SIPA1L3: variants seen among roughly 807,000 people sequenced by gnomAD.
SIPA1L3 encodes signal-induced proliferation-associated 1-like protein 3.
Under a neutral mutation model 150.1 loss-of-function variants are expected in SIPA1L3, and 59 were observed. The ratio of observed to expected loss-of-function variants is 0.39; its 90% CI spans 0.32 to 0.49. The LOEUF (loss-of-function observed/expected upper bound fraction) is 0.49, where lower values mean the gene tolerates loss of function less well. SIPA1L3 is among the 20% of genes least tolerant of loss of function. The pLI is 0.86. For missense variants in SIPA1L3, 2,211 were observed against 2,489.5 expected (o/e 0.89, Z 2.38); for synonymous variants, 1,070 against 1,077.6 (o/e 0.99, Z 0.14).
chr19:38,175,174 G>A (rs966120474), intron 15 of SIPA1L3, among the ~76,000 whole-genome samples: 1 of 152,028 alleles, frequency 6.6e-6, no homozygotes, highest in Non-Finnish European at 1.5e-5. Context: ...TTCCTGTCTC[G>A]GGGTTGCTAC....
At chr19:37,984,134 G>T (rs1201882392) in intron 1 of SIPA1L3, among the ~76,000 whole-genome samples, 1 of 152,170 alleles carries the variant, frequency 6.6e-6, no homozygotes, top group African/African-American at 2.4e-5. Flanking sequence ...GTCTCAGGGA[G>T]CGCTGTGTGA....
At chr19:37,999,343 C>CGT (rs1967727038) in intron 1 of SIPA1L3, among the ~76,000 whole-genome samples, 1 of 152,156 alleles carries the variant, frequency 6.6e-6, no homozygotes. Context: ...TCTCCAGGGA[C>CGT]CTGTGTGATG....
At chr19:38,145,836 A>G (rs1477362283) in intron 12 of SIPA1L3, among the ~76,000 whole-genome samples, 1 of 150,366 alleles carries the variant, frequency 6.7e-6, no homozygotes, top group Admixed American at 6.6e-5. Context: ...ACCCCTGGCA[A>G]CCATTCACCA....
intron 1 of SIPA1L3, among the ~76,000 whole-genome samples, chr19:37,920,032 C>T (rs1398623087): frequency 6.6e-6 from 1 of 151,106 alleles, no homozygotes; most frequent in African/African-American, 2.4e-5. Context: ...TTTAATACCC[C>T]TCTGGCCAGT....
chr19:38,025,922 A>G (rs1223282886), intron 1 of SIPA1L3, among the ~76,000 whole-genome samples: 1 of 152,168 alleles, frequency 6.6e-6, no homozygotes, highest in East Asian at 1.9e-4. Context: ...TGCTGTTTCT[A>G]TGTATAGTGA....
intron 8 of SIPA1L3, among the ~76,000 whole-genome samples, chr19:38,114,672 G>T (rs142966495): frequency 2.6e-5 from 4 of 152,314 alleles, no homozygotes; most frequent in Non-Finnish European, 5.9e-5. Context: ...CCATACCTTG[G>T]TAGAAACCTG....
intron 1 of SIPA1L3, among the ~76,000 whole-genome samples, chr19:37,992,504 T>A (rs1166365518): frequency 6.6e-6 from 1 of 151,902 alleles, no homozygotes; most frequent in Non-Finnish European, 1.5e-5. Context: ...TACAAAAATT[T>A]TCTGCACATG....
chr19:38,165,430 T>A (rs936227791), intron 15 of SIPA1L3, among the ~76,000 whole-genome samples: 6 of 152,196 alleles, frequency 3.9e-5, no homozygotes, highest in African/African-American at 1.4e-4. Flanking sequence ...CCATGCTGGC[T>A]CATGTCTCAC....
At chr19:38,039,412 G>A (rs1392588696) in intron 2 of SIPA1L3, among the ~76,000 whole-genome samples, 1 of 151,230 alleles carries the variant, frequency 6.6e-6, no homozygotes, top group Non-Finnish European at 1.5e-5. Flanking sequence ...TGGGGGTGGG[G>A]GTCGGGCATG....
rs566389151 is a variant in SIPA1L3 at position 37,977,172 on chromosome 19, A to T, written c.-378-51917A>T. ...TATTATTTTTATTTTATTAAAAAAA[A>T]TTTTTTTTATGAGATGGAGGCTTGC... On this transcript the variant is annotated intron_variant, in intron 1 of 21. Transcript: ENST00000222345. Among the ~76,000 whole-genome samples, 386 of 151,498 alleles carry T rather than the reference A, an allele frequency of 2.5e-3. 1 individual carries two copies. The highest frequency in any genetic ancestry group is 3.5e-3 in the Middle Eastern group (1 of 284).
chr19:38,183,234 A>G (rs559074837), intron 16 of SIPA1L3, among the ~76,000 whole-genome samples: 1 of 152,204 alleles, frequency 6.6e-6, no homozygotes, highest in Non-Finnish European at 1.5e-5. Flanking sequence ...GGCATGGAGC[A>G]GAGAGGGGGC....
At chr19:38,146,079 A>T (rs917718605) in intron 12 of SIPA1L3, among the ~76,000 whole-genome samples, 1 of 152,154 alleles carries the variant, frequency 6.6e-6, no homozygotes, top group South Asian at 2.1e-4. Flanking sequence ...GCTGAGACTG[A>T]TCTTGAAGCC....
rs1487302005 is a variant in SIPA1L3, at chr19:38,092,031, T to A, written c.1665+3180T>A. ...GTGAGCCAAGATCATTCCATTGCAC[T>A]CCAGGCTGGGTGACACAGTGAGACT... On this transcript the variant is annotated intron_variant, in intron 4 of 21. Coordinates refer to ENST00000222345, the MANE Select transcript of SIPA1L3 (RefSeq NM_015073.3). 4.9e-5 allele frequency among the ~76,000 whole-genome samples: 7 copies of A among 141,688 alleles called. 1 individual carries two copies. Among genetic ancestry groups the A allele is most frequent in the African/African-American group, 1.9e-4 (7 of 36,812 alleles). 93.0% of individuals were successfully genotyped at this position (141,688 alleles called of 152,430 possible).
At chr19:38,156,293 AAG>A (rs1336842744) in intron 13 of SIPA1L3, among the ~76,000 whole-genome samples, 1 of 151,660 alleles carries the variant, frequency 6.6e-6, no homozygotes, top group Non-Finnish European at 1.5e-5. Flanking sequence ...AGTTCAGAAA[AAG>A]AGAAAAGTGT....
Position 38,081,330 on chromosome 19 carries a change from C to A in SIPA1L3, c.-236C>A. The A allele has an allele frequency of 2.0e-6, 1 of 502,116 alleles. No homozygotes were observed. Among genetic ancestry groups the A allele is most frequent in the South Asian group, 4.1e-5 (1 of 24,204 alleles). The allele number at this position is 502,116 out of a possible 1,614,324, so 31.1% of individuals were successfully genotyped here. ...CTACTGCCTGCTCTGCGCTACTGAG[C>A]CACTCGGTCTGGAGCCCCCAGGACA... On this transcript the variant is annotated 5_prime_UTR_variant, in exon 3 of 22. Transcript: ENST00000222345.
chr19:38,014,544 CTTT>C (rs72101453), intron 1 of SIPA1L3, among the ~76,000 whole-genome samples: 67 of 116,796 alleles, frequency 5.7e-4, no homozygotes, highest in Admixed American at 1.2e-3. Flanking sequence ...ACACCACATT[CTTT>C]TTTTTTTTTT....
chr19:37,968,089 T>TTTCTTTCTTTCTTTCTTTCTTTCTTTC (rs1568483010), intron 1 of SIPA1L3, among the ~76,000 whole-genome samples: 1 of 83,306 alleles, frequency 1.2e-5, no homozygotes, highest in African/African-American at 6.5e-5. Flanking sequence ...TTCTTTCTTT[T>TTTCTTTCTTTCTTTCTTTCTTTCTTTC]TTTGAGACAG....
intron 16 of SIPA1L3, among the ~76,000 whole-genome samples, chr19:38,190,256 A>G (rs1438392244): frequency 6.6e-6 from 1 of 152,190 alleles, no homozygotes; most frequent in Non-Finnish European, 1.5e-5. Context: ...GATGGGCACC[A>G]TGAGCCCTGC....
intron 19 of SIPA1L3, chr19:38,199,782 A>G (rs1420797678): frequency 4.6e-5 from 7 of 152,178 alleles, no homozygotes; most frequent in Admixed American, 3.3e-4. Context: ...TGCAATTCAC[A>G]TAAGTGGAAA....
Sources: gnomAD v4.1 joint callset for allele counts (sites outside exome capture counted in the v4.1 genomes callset) on GRCh38, gnomAD v4.1.1 for gene constraint, MANE v1.5 for transcripts, NCBI Gene and HGNC (gene_info 2026-07-23, HGNC 2026-07-21) for gene names.